Variants in CSTA observed in about 807,000 individuals in gnomAD.
The protein encoded by CSTA is cystatin-A.
Under a neutral mutation model 9.2 loss-of-function variants are expected in CSTA, and 9 were observed. The observed-to-expected ratio is 0.97, with a 90% confidence interval of 0.59 to 1.70. The LOEUF is 1.70. Ranked by LOEUF, CSTA falls within the 40% of genes most tolerant of loss-of-function variation. The pLI is 0.00. For missense variants in CSTA, 118 were observed against 113.1 expected (o/e 1.04, Z -0.20); for synonymous variants, 36 against 40.6 (o/e 0.89, Z 0.43).
intron 1 of CSTA, among the ~76,000 whole-genome samples, chr3:122,333,720 G>C (rs576906201): frequency 4.0e-5 from 4 of 99,334 alleles, no homozygotes; most frequent in Non-Finnish European, 6.5e-5. Flanking sequence ...AAGAAAGAAA[G>C]AGAAAGAAAG....
At chr3:122,330,271 G>A (rs567736704) in intron 1 of CSTA, among the ~76,000 whole-genome samples, 20 of 152,310 alleles carry the variant, frequency 1.3e-4, no homozygotes, top group African/African-American at 4.3e-4. Context: ...CTGTTAAAGT[G>A]GAAGTATTCT....
chr3:122,338,795 T>G (rs2075249347), intron 2 of CSTA, among the ~76,000 whole-genome samples: 2 of 152,242 alleles, frequency 1.3e-5, no homozygotes, highest in African/African-American at 2.4e-5. Flanking sequence ...ACATATTTAA[T>G]AATTTATGAT....
intron 1 of CSTA, among the ~76,000 whole-genome samples, chr3:122,334,822 C>T (rs1286847702): frequency 1.3e-5 from 2 of 152,048 alleles, no homozygotes; most frequent in Non-Finnish European, 2.9e-5. Flanking sequence ...AAGCTAAGCC[C>T]ATAGAGGGGA....
chr3:122,325,837 A>G (rs1353459771), intron 1 of CSTA, among the ~76,000 whole-genome samples: 1 of 152,198 alleles, frequency 6.6e-6, no homozygotes, highest in African/African-American at 2.4e-5. Context: ...AACTTCATAC[A>G]CTTTTGCCCA....
At chr3:122,335,716 C>T (rs2075232944) in intron 1 of CSTA, among the ~76,000 whole-genome samples, 1 of 151,628 alleles carries the variant, frequency 6.6e-6, no homozygotes, top group Non-Finnish European at 1.5e-5. Context: ...ACTGCAACCT[C>T]CGCCTCCCAG....
chr3:122,328,325 AC>A (rs1297484156), intron 1 of CSTA, among the ~76,000 whole-genome samples: 2 of 150,272 alleles, frequency 1.3e-5, no homozygotes, highest in Non-Finnish European at 3.0e-5. Flanking sequence ...ACATGGTGAA[AC>A]CCTGTCTCTA....
At chr3:122,340,510 G>A (rs1028299760) in intron 2 of CSTA, among the ~76,000 whole-genome samples, 2 of 152,070 alleles carry the variant, frequency 1.3e-5, no homozygotes, top group East Asian at 3.8e-4. Context: ...CACCATGTTG[G>A]CCAGGTTTGT....
chr3:122,340,944 A>AT lies in CSTA; in HGVS notation c.169-480dup, dbSNP rs11338611. Among the ~76,000 whole-genome samples, 36 of 147,440 alleles carry AT rather than the reference A, an allele frequency of 2.4e-4. No homozygotes were observed. In the South Asian group the frequency reaches 3.0e-3, roughly 12 times the overall value. ...CCTCTTGCCATGCCATTAGTCTACA[A>AT]TTTTTTTTTTTTTTTAAGACAAACT... is the stretch of plus-strand genomic sequence containing the variant. On this transcript the variant is annotated intron_variant, in intron 2 of 2. Coordinates refer to ENST00000264474, the MANE Select transcript of CSTA (RefSeq NM_005213.4).
chr3:122,328,098 C>G (rs1389089044), intron 1 of CSTA, among the ~76,000 whole-genome samples: 1 of 152,162 alleles, frequency 6.6e-6, no homozygotes, highest in Non-Finnish European at 1.5e-5. Flanking sequence ...TTTTTAAAAG[C>G]TTGACCTCCA....
chr3:122,333,606 GAGGAAGGAAGGAAAAGGAAAGGAA>G (rs1488153826), intron 1 of CSTA, among the ~76,000 whole-genome samples: 51 of 131,298 alleles, frequency 3.9e-4, no homozygotes, highest in African/African-American at 1.3e-3. Flanking sequence ...AAGAGAGAGA[GAGGAAGGAAGGAAAAGGAAAGGAA>G]AGGAAGGAAG....
In CSTA at chr3:122,341,481, A is replaced by G; in HGVS notation, c.211A>G (p.Lys71Glu). The part of the protein sequence containing the change: ...DNKYMHLKVF[K>E]SLPGQNEDLV... ...TAAATATATGCACTTGAAAGTATTC[A>G]AAAGTCTTCCCGGACAAAATGAGGA... The change falls in exon 3 of 3, where the codon AAA (lysine) becomes GAA (glutamate). Residue 71 changes from lysine (K) to glutamate (E), a missense_variant. By Grantham distance (56) the Lys-to-Glu change is moderately conservative (BLOSUM62 1). Coordinates refer to ENST00000264474, the MANE Select transcript of CSTA (RefSeq NM_005213.4). 6.2e-7 allele frequency: 1 copy of G among 1,614,046 alleles called. No homozygotes were observed. Among genetic ancestry groups the G allele is most frequent in the East Asian group, 2.2e-5 (1 of 44,882 alleles).
chr3:122,329,402 C>G (rs1193814763), intron 1 of CSTA, among the ~76,000 whole-genome samples: 2 of 151,930 alleles, frequency 1.3e-5, no homozygotes, highest in African/African-American at 4.8e-5. Context: ...CTGTCTCTAC[C>G]CCCTCCAAAA....
intron 1 of CSTA, among the ~76,000 whole-genome samples, chr3:122,335,878 C>T (rs139944862): frequency 0.017 from 2,597 of 151,822 alleles, 76 homozygotes; most frequent in African/African-American, 0.059. Context: ...GTGATCCACC[C>T]GCCTCTGCCT....
At chr3:122,335,735 A>G (rs541259054) in intron 1 of CSTA, among the ~76,000 whole-genome samples, 12 of 152,018 alleles carry the variant, frequency 7.9e-5, no homozygotes, top group South Asian at 4.2e-4. Context: ...AGGTTCAAGC[A>G]ATTCTCCTGC....
Position 122,341,553 on chromosome 3 carries a change from C to A in CSTA, c.283C>A (p.Leu95Met), listed in dbSNP as rs769111681. Residue 95 changes from leucine (L) to methionine (M), a missense_variant, in exon 3 of 3, where the codon CTG (leucine) becomes ATG (methionine). Transcript: ENST00000264474. ...GGTTGACAAAAACAAGGATGACGAG[C>A]TGACGGGCTTTTAGCAGCATGTACC... Reference protein sequence around the residue: ...YQVDKNKDDELTGF With the variant: ...YQVDKNKDDEMTGF 6.2e-7 allele frequency: 1 copy of A among 1,614,166 alleles called. No homozygotes were observed. The highest frequency in any genetic ancestry group is 1.7e-5 in the Admixed American group (1 of 60,020).
intron 2 of CSTA, among the ~76,000 whole-genome samples, chr3:122,339,776 G>A (rs1033359015): frequency 6.6e-6 from 1 of 152,184 alleles, no homozygotes; most frequent in South Asian, 2.1e-4. Context: ...GATCACTTGA[G>A]CCGAGGAGTT....
intron 1 of CSTA, among the ~76,000 whole-genome samples, chr3:122,334,399 T>C (rs1197797340): frequency 6.6e-6 from 1 of 151,896 alleles, no homozygotes; most frequent in Non-Finnish European, 1.5e-5. Context: ...ATTGTTTGAG[T>C]CCGGGAATTC....
At chr3:122,339,334 T>G (rs1370619771) in intron 2 of CSTA, among the ~76,000 whole-genome samples, 1 of 152,240 alleles carries the variant, frequency 6.6e-6, no homozygotes, top group Non-Finnish European at 1.5e-5. Flanking sequence ...CACTATGCAC[T>G]ATTCTAAGAA....
At chr3:122,335,587 G>A (rs1467215179) in intron 1 of CSTA, among the ~76,000 whole-genome samples, 1 of 152,028 alleles carries the variant, frequency 6.6e-6, no homozygotes, top group Non-Finnish European at 1.5e-5. Context: ...AAAGCTAAAT[G>A]AGTCCTGTGG....
Sources: gnomAD v4.1 joint callset for allele counts (sites outside exome capture counted in the v4.1 genomes callset) on GRCh38, gnomAD v4.1.1 for gene constraint, MANE v1.5 for transcripts, NCBI Gene and HGNC (gene_info 2026-07-23, HGNC 2026-07-21) for gene names.